The following KCNQ1OT1 variants were observed in gnomAD, a reference collection of about 807,000 sequenced individuals.
The protein encoded by KCNQ1OT1 is KCNQ1 opposite strand/antisense transcript 1.
chr11:2,630,355 T>C (rs934993152), exon 1 of KCNQ1OT1: 6 of 398,126 alleles, frequency 1.5e-5, no homozygotes, highest in African/African-American at 1.2e-4. Context: ...CATAAAAAAA[T>C]ATCAGCCAGT....
Position 2,611,110 on chromosome 11 carries a change from T to A in KCNQ1OT1, n.88885A>T. ...TTTTTATTTCTTTATGACTTCTGTT[T>A]ATGATTTCTATTTCTTCCTGTTAAA... On this transcript the variant is annotated non_coding_transcript_exon_variant, in exon 1 of 1. Coordinates refer to ENST00000597346, the Ensembl canonical transcript of KCNQ1OT1. The surrounding 1 kb of genome is among the most constrained non-coding windows in gnomAD (Gnocchi z 5.3). 2.5e-6 allele frequency: 1 copy of A among 398,580 alleles called. No homozygotes were observed. The highest frequency in any genetic ancestry group is 4.4e-5 in the Admixed American group (1 of 22,738). The allele number at this position is 398,580 out of a possible 1,614,324, so 24.7% of individuals were successfully genotyped here.
At position 2,647,988 on chromosome 11, in the gene KCNQ1OT1, C is replaced by A; in HGVS notation, n.52007G>T. On this transcript the variant is annotated non_coding_transcript_exon_variant, in exon 1 of 1. Transcript: ENST00000597346. This position sits in a 1 kb window ranked among gnomAD's most constrained non-coding sequence, Gnocchi z 4.0. ...CAGTACTTTGGAAGGCCAAGGCAGG[C>A]CGATCGCTTGAGTCCAGGAGTTTGA... The A allele has an allele frequency of 2.5e-6, 1 of 397,580 alleles. No homozygotes were observed. The highest frequency in any genetic ancestry group is 4.4e-6 in the Non-Finnish European group (1 of 225,990). 24.6% of individuals were successfully genotyped at this position (397,580 alleles called of 1,614,324 possible). A position where few individuals can be genotyped will look rare whatever the true frequency, so the allele number is the denominator to read the frequency against.
At position 2,699,866 on chromosome 11, in the gene KCNQ1OT1, G is replaced by A. The variant is rs895895178; in HGVS notation, n.129C>T. The A allele has an allele frequency of 6.6e-5, 26 of 394,910 alleles. 1 individual carries two copies. Among genetic ancestry groups the A allele is most frequent in the Non-Finnish European group, 9.3e-5 (21 of 224,768 alleles). 24.5% of individuals were successfully genotyped at this position (394,910 alleles called of 1,614,324 possible). A position where few individuals can be genotyped will look rare whatever the true frequency, so the allele number is the denominator to read the frequency against. On this transcript the variant is annotated non_coding_transcript_exon_variant, in exon 1 of 1. Coordinates refer to ENST00000597346, the Ensembl canonical transcript of KCNQ1OT1. Reference sequence around the variant, plus strand: ...CGCTGAGGGGCGCACCGGGAGAATCGTGCTGAGGAGCCCCGGGGAGGACCA... The same window carrying A: ...CGCTGAGGGGCGCACCGGGAGAATCATGCTGAGGAGCCCCGGGGAGGACCA...
exon 1 of KCNQ1OT1, chr11:2,693,834 A>C: frequency 7.5e-6 from 3 of 398,888 alleles, no homozygotes; most frequent in Non-Finnish European, 8.8e-6. Context: ...GAAAGGCAGT[A>C]TTAGAGGCCA....
exon 1 of KCNQ1OT1, chr11:2,648,987 T>TTTTTTTTTTTTTTTTTTTTTC (rs1849713747): frequency 3.7e-6 from 1 of 269,906 alleles, no homozygotes; most frequent in African/African-American, 2.3e-5. Flanking sequence ...TTTTCTTTTT[T>TTTTTTTTTTTTTTTTTTTTTC]TTTTTTTTTT....
exon 1 of KCNQ1OT1, chr11:2,680,359 G>C: frequency 2.5e-6 from 1 of 397,960 alleles, no homozygotes; most frequent in Non-Finnish European, 4.4e-6. Flanking sequence ...AATAGAAGCA[G>C]TTTACCCACA....
In KCNQ1OT1 at chr11:2,652,438, T is replaced by C. The variant is rs1472447473; in HGVS notation, n.47557A>G. ...ATTTTGTCTTGAAAATCAAGGCCAC[T>C]TTTTTGTTTTCTCCATCCAAAGACC... On this transcript the variant is annotated non_coding_transcript_exon_variant, in exon 1 of 1. Coordinates refer to ENST00000597346, the Ensembl canonical transcript of KCNQ1OT1. This position sits in a 1 kb window ranked among gnomAD's most constrained non-coding sequence, Gnocchi z 5.9. 1 of 398,534 alleles carries C rather than the reference T, an allele frequency of 2.5e-6. No individual in the cohort carries two copies. Among genetic ancestry groups the C allele is most frequent in the East Asian group, 3.6e-5 (1 of 28,098 alleles). The allele number at this position is 398,534 out of a possible 1,614,324, so 24.7% of individuals were successfully genotyped here. A position where few individuals can be genotyped will look rare whatever the true frequency, so the allele number is the denominator to read the frequency against.
rs1283913151 is a variant in KCNQ1OT1, at chr11:2,645,079, G to A, written n.54916C>T. ...TGATGACAGAGCTGGGCCACAGGGTGGGTAGGTCCTTGAGCTCTGAGCAGC... is the reference window on the plus strand; with the variant it reads ...TGATGACAGAGCTGGGCCACAGGGTAGGTAGGTCCTTGAGCTCTGAGCAGC... On this transcript the variant is annotated non_coding_transcript_exon_variant, in exon 1 of 1. Coordinates refer to ENST00000597346, the Ensembl canonical transcript of KCNQ1OT1. This position sits in a 1 kb window ranked among gnomAD's most constrained non-coding sequence, Gnocchi z 5.8. 5.0e-6 allele frequency: 2 copies of A among 398,542 alleles called. No individual in the cohort carries two copies. 24.7% of individuals were successfully genotyped at this position (398,542 alleles called of 1,614,324 possible). A position where few individuals can be genotyped will look rare whatever the true frequency, so the allele number is the denominator to read the frequency against.
In KCNQ1OT1 at chr11:2,626,316, A is replaced by G. The variant is rs1849261695; in HGVS notation, n.73679T>C. ...CATTCTCTTGAGTTAATTTTTGTGTATGGTATTAGGTAAGGGTCTCAACTT... is the reference window on the plus strand; with the variant it reads ...CATTCTCTTGAGTTAATTTTTGTGTGTGGTATTAGGTAAGGGTCTCAACTT... On this transcript the variant is annotated non_coding_transcript_exon_variant, in exon 1 of 1. Transcript: ENST00000597346. The surrounding 1 kb of genome is among the most constrained non-coding windows in gnomAD (Gnocchi z 4.0). 2.5e-6 allele frequency: 1 copy of G among 398,352 alleles called. No individual in the cohort carries two copies. Among genetic ancestry groups the G allele is most frequent in the Non-Finnish European group, 4.4e-6 (1 of 226,060 alleles). 24.7% of individuals were successfully genotyped at this position (398,352 alleles called of 1,614,324 possible).
rs1849150663 is a variant in KCNQ1OT1 at position 2,620,421 on chromosome 11, G to C, written n.79574C>G. 1 of 249,070 alleles carries C rather than the reference G, an allele frequency of 4.0e-6. No homozygotes were observed. Among genetic ancestry groups the C allele is most frequent in the Non-Finnish European group, 7.5e-6 (1 of 132,942 alleles). 15.4% of individuals were successfully genotyped at this position (249,070 alleles called of 1,614,324 possible). A position where few individuals can be genotyped will look rare whatever the true frequency, so the allele number is the denominator to read the frequency against. The stretch of plus-strand genomic sequence containing the variant: ...AGTAGAGACAGGGTTTTTCCATGTT[G>C]GTCAGGCTGGTCTCGAACTCCTGAC... On this transcript the variant is annotated non_coding_transcript_exon_variant, in exon 1 of 1. Transcript: ENST00000597346. The surrounding 1 kb of genome is among the most constrained non-coding windows in gnomAD (Gnocchi z 4.5).
rs1310733601 is a variant in KCNQ1OT1 at position 2,657,819 on chromosome 11, G to A, written n.42176C>T. The A allele has an allele frequency of 2.5e-6, 1 of 398,438 alleles. No homozygotes were observed. The highest frequency in any genetic ancestry group is 4.4e-6 in the Non-Finnish European group (1 of 226,070). 24.7% of individuals were successfully genotyped at this position (398,438 alleles called of 1,614,324 possible). A position where few individuals can be genotyped will look rare whatever the true frequency, so the allele number is the denominator to read the frequency against. Reference sequence around the variant, plus strand: ...TCAGGTGTCATTGTCCCTCAGTTTGGATTTGTCTGGTGTTTTCTCAGGACT... The same window carrying A: ...TCAGGTGTCATTGTCCCTCAGTTTGAATTTGTCTGGTGTTTTCTCAGGACT... On this transcript the variant is annotated non_coding_transcript_exon_variant, in exon 1 of 1. Coordinates refer to ENST00000597346, the Ensembl canonical transcript of KCNQ1OT1. This position sits in a 1 kb window ranked among gnomAD's most constrained non-coding sequence, Gnocchi z 4.8.
In KCNQ1OT1 at chr11:2,660,467, A is replaced by G. The variant is rs188352654; in HGVS notation, n.39528T>C. ...ATAAAAGCAACATAATTCAGGTGAAAAAACAGACTGGGGAAGCTATCTATG... is the reference window on the plus strand; with the variant it reads ...ATAAAAGCAACATAATTCAGGTGAAGAAACAGACTGGGGAAGCTATCTATG... On this transcript the variant is annotated non_coding_transcript_exon_variant, in exon 1 of 1. Coordinates refer to ENST00000597346, the Ensembl canonical transcript of KCNQ1OT1. 16 of 398,658 alleles carry G rather than the reference A, an allele frequency of 4.0e-5. No individual in the cohort carries two copies. The East Asian group carries it at 5.3e-4, about 13-fold the overall frequency. The allele number at this position is 398,658 out of a possible 1,614,324, so 24.7% of individuals were successfully genotyped here. A position where few individuals can be genotyped will look rare whatever the true frequency, so the allele number is the denominator to read the frequency against.
chr11:2,662,699 G>T, exon 1 of KCNQ1OT1: 1 of 402,626 alleles, frequency 2.5e-6, no homozygotes, highest in Non-Finnish European at 4.4e-6. Flanking sequence ...TGACAGCCGT[G>T]CAGCGGGGTC....
chr11:2,641,092 A>C (rs1445696953), exon 1 of KCNQ1OT1: 2 of 398,384 alleles, frequency 5.0e-6, no homozygotes, highest in Non-Finnish European at 8.8e-6. Flanking sequence ...TCCTGAGTCC[A>C]TATCTTTGCT....
At chr11:2,632,100 G>T in exon 1 of KCNQ1OT1, 1 of 392,652 alleles carries the variant, frequency 2.5e-6, no homozygotes, top group East Asian at 3.6e-5. Flanking sequence ...GGAGAATGGC[G>T]TGAACTCGGG....
chr11:2,683,722 G>C lies in KCNQ1OT1; in HGVS notation n.16273C>G, dbSNP rs1042651167. Reference sequence around the variant, plus strand: ...ACTCAGGCCTTTCCTTACTCCCTCTGGTTACCTAGCTTTAGCTCTGAGGCA... The same window carrying C: ...ACTCAGGCCTTTCCTTACTCCCTCTCGTTACCTAGCTTTAGCTCTGAGGCA... On this transcript the variant is annotated non_coding_transcript_exon_variant, in exon 1 of 1. Coordinates refer to ENST00000597346, the Ensembl canonical transcript of KCNQ1OT1. This position sits in a 1 kb window ranked among gnomAD's most constrained non-coding sequence, Gnocchi z 4.7. The C allele has an allele frequency of 2.5e-6, 1 of 398,434 alleles. No homozygotes were observed. The highest frequency in any genetic ancestry group is 2.1e-5 in the African/African-American group (1 of 48,592). The allele number at this position is 398,434 out of a possible 1,614,324, so 24.7% of individuals were successfully genotyped here.
At chr11:2,662,992 G>A (rs1849996163) in exon 1 of KCNQ1OT1, 2 of 398,788 alleles carry the variant, frequency 5.0e-6, no homozygotes, top group Non-Finnish European at 8.8e-6. Context: ...TGCAAGGCCT[G>A]GCCTTGCAAA....
chr11:2,675,623 C>A (rs989762177), exon 1 of KCNQ1OT1: 1 of 398,484 alleles, frequency 2.5e-6, no homozygotes, highest in African/African-American at 2.1e-5. Context: ...TGGAGAGCAC[C>A]CCTTATTAGA....
rs923754980 is a variant in KCNQ1OT1, at chr11:2,690,299, T to C, written n.9696A>G. 3 of 398,588 alleles carry C rather than the reference T, an allele frequency of 7.5e-6. No individual in the cohort carries two copies. The highest frequency in any genetic ancestry group is 4.1e-5 in the African/African-American group (2 of 48,644). The allele number at this position is 398,588 out of a possible 1,614,324, so 24.7% of individuals were successfully genotyped here. On this transcript the variant is annotated non_coding_transcript_exon_variant, in exon 1 of 1. Transcript: ENST00000597346. The surrounding 1 kb of genome is among the most constrained non-coding windows in gnomAD (Gnocchi z 5.1). ...CATATGTGTAGTGTCTTCCTCCCTG[T>C]AGGATTGTCACAAGGATTAAATGAT...
Sources: gnomAD v4.1 joint callset for allele counts on GRCh38, gnomAD v4.1.1 for gene constraint, Gnocchi (gnomAD v3.1) non-coding constraint, MANE v1.5 for transcripts, NCBI Gene and HGNC (gene_info 2026-07-23, HGNC 2026-07-21) for gene names.